Variants in ANKS1B observed in about 807,000 individuals in gnomAD.
ANKS1B encodes ankyrin repeat and sterile alpha motif domain containing 1B.
Under a neutral mutation model 148.3 loss-of-function variants are expected in ANKS1B, and 36 were observed. That is an observed-to-expected ratio of 0.24 (90% CI 0.19 to 0.32). The LOEUF is 0.32. ANKS1B is among the 10% of genes least tolerant of loss of function. ANKS1B has a pLI of 1.00. For missense variants in ANKS1B, 1,157 were observed against 1,542.6 expected, an observed-to-expected ratio of 0.75 and a Z score of 4.19; for synonymous variants, 542 against 560.8, an observed-to-expected ratio of 0.97 and a Z score of 0.47.
rs1014311721 is a variant in ANKS1B at position 99,183,967 on chromosome 12, A to T, written c.2420-29572T>A. Among the ~76,000 whole-genome samples, 5 of 152,230 alleles carry T rather than the reference A, an allele frequency of 3.3e-5. No individual in the cohort carries two copies. In the East Asian group the frequency reaches 7.7e-4, roughly 23 times the overall value. Reference sequence around the variant, plus strand: ...GAAAAATTAATCAAAATGCAGTTTCATATAAATCAAATATACATTTCACTT... The same window carrying T: ...GAAAAATTAATCAAAATGCAGTTTCTTATAAATCAAATATACATTTCACTT... On this transcript the variant is annotated intron_variant, in intron 14 of 26. Transcript: ENST00000683438.
chr12:98,802,291 T>C (rs1002883777), intron 20 of ANKS1B, among the ~76,000 whole-genome samples: 2 of 152,248 alleles, frequency 1.3e-5, no homozygotes, highest in Non-Finnish European at 2.9e-5. Context: ...GTTGACACAC[T>C]GTGGGATTTC....
At chr12:98,873,155 T>C (rs1389716561) in intron 17 of ANKS1B, among the ~76,000 whole-genome samples, 1 of 152,218 alleles carries the variant, frequency 6.6e-6, no homozygotes, top group African/African-American at 2.4e-5. Flanking sequence ...CTACACCCTA[T>C]AAACCCACCT....
chr12:99,359,907 C>A (rs1270036450), intron 12 of ANKS1B, among the ~76,000 whole-genome samples: 1 of 151,972 alleles, frequency 6.6e-6, no homozygotes, highest in African/African-American at 2.4e-5. Context: ...TCTATTCTTT[C>A]CATGGTTTTG....
chr12:99,814,319 G>C (rs2068822307), intron 2 of ANKS1B, among the ~76,000 whole-genome samples: 1 of 151,502 alleles, frequency 6.6e-6, no homozygotes, highest in Non-Finnish European at 1.5e-5. Context: ...ACTGGTAATA[G>C]CATTAAATAA....
At chr12:99,900,630 G>A (rs889928532) in intron 1 of ANKS1B, among the ~76,000 whole-genome samples, 1 of 151,530 alleles carries the variant, frequency 6.6e-6, no homozygotes, top group Non-Finnish European at 1.5e-5. Context: ...CCCTAATCCT[G>A]AGAAGCAAGC....
At chr12:99,481,181 A>C (rs547339726) in intron 10 of ANKS1B, among the ~76,000 whole-genome samples, 1 of 151,418 alleles carries the variant, frequency 6.6e-6, no homozygotes, top group African/African-American at 2.4e-5. Flanking sequence ...ATCCCTAGCT[A>C]CCCTCTCACC....
intron 1 of ANKS1B, among the ~76,000 whole-genome samples, chr12:99,961,566 T>C (rs987803349): frequency 2.0e-5 from 3 of 152,154 alleles, no homozygotes; most frequent in Non-Finnish European, 4.4e-5. Flanking sequence ...CAACATTTCC[T>C]TGATTCTATG....
intron 25 of ANKS1B, among the ~76,000 whole-genome samples, chr12:98,759,269 C>G (rs2056067546): frequency 6.6e-6 from 1 of 152,182 alleles, no homozygotes; most frequent in Admixed American, 6.5e-5. Flanking sequence ...AACATCACCA[C>G]AGATATTTAC....
intron 17 of ANKS1B, among the ~76,000 whole-genome samples, chr12:98,851,897 G>A (rs1483637593): frequency 3.3e-5 from 5 of 151,890 alleles, no homozygotes; most frequent in South Asian, 2.1e-4. Flanking sequence ...GGTGGTGCAC[G>A]CCTGTAGTCC....
At chr12:99,333,865 T>TTTTTTTG (rs1555391412) in intron 12 of ANKS1B, among the ~76,000 whole-genome samples, 2 of 149,858 alleles carry the variant, frequency 1.3e-5, no homozygotes, top group Admixed American at 6.6e-5. Flanking sequence ...TTTTTTTTTT[T>TTTTTTTG]TTTTTTTTTT....
At chr12:99,749,250 T>C (rs1371626254) in intron 8 of ANKS1B, among the ~76,000 whole-genome samples, 1 of 152,086 alleles carries the variant, frequency 6.6e-6, no homozygotes, top group Non-Finnish European at 1.5e-5. Context: ...GCAGTCAAAA[T>C]GTGATCAAAC....
intron 14 of ANKS1B, among the ~76,000 whole-genome samples, chr12:99,238,542 G>A (rs1907673): frequency 1.3e-5 from 2 of 152,058 alleles, no homozygotes; most frequent in Non-Finnish European, 1.5e-5. Flanking sequence ...CTGACAGCTC[G>A]GAAGAAAGCA....
intron 11 of ANKS1B, among the ~76,000 whole-genome samples, chr12:99,419,426 G>A (rs1243718690): frequency 1.3e-5 from 2 of 152,080 alleles, no homozygotes; most frequent in South Asian, 2.1e-4. Flanking sequence ...TCCTTTTGAT[G>A]TCTTCAGGGT....
At chr12:99,570,715 A>C (rs961197423) in intron 9 of ANKS1B, among the ~76,000 whole-genome samples, 10 of 151,798 alleles carry the variant, frequency 6.6e-5, no homozygotes, top group African/African-American at 2.4e-4. Context: ...AAGCTGGGTG[A>C]CTGGTATTAT....
chr12:99,457,493 T>G (rs184205786), intron 10 of ANKS1B, among the ~76,000 whole-genome samples: 5 of 152,176 alleles, frequency 3.3e-5, no homozygotes, highest in Admixed American at 3.3e-4. Flanking sequence ...GTAGAATGGA[T>G]GAGAATTCAC....
intron 19 of ANKS1B, among the ~76,000 whole-genome samples, chr12:98,824,348 C>G (rs984564831): frequency 5.9e-5 from 9 of 152,156 alleles, no homozygotes; most frequent in African/African-American, 2.2e-4. Context: ...AACACTGGAA[C>G]AAAAGATGGT....
rs376915493 is a variant in ANKS1B, at chr12:98,902,606, G to A, written c.2779-70470C>T. Among the ~76,000 whole-genome samples the A allele has an allele frequency of 9.9e-5, 15 of 152,266 alleles. No individual in the cohort carries two copies. In the South Asian group the frequency reaches 1.2e-3, roughly 13 times the overall value. On this transcript the variant is annotated intron_variant, in intron 17 of 26. Transcript: ENST00000683438. ...GAAAAAAAGTCCATGGACTCCGACC[G>A]TGGTTCAAGTTCAGCTCTATCATAT...
chr12:99,756,392 T>G (rs1367097561), intron 8 of ANKS1B, among the ~76,000 whole-genome samples: 1 of 151,922 alleles, frequency 6.6e-6, no homozygotes, highest in Non-Finnish European at 1.5e-5. Context: ...GGTAAAAGAT[T>G]TCTACAAGAA....
chr12:99,899,709 G>C (rs904264190), intron 1 of ANKS1B, among the ~76,000 whole-genome samples: 17 of 152,060 alleles, frequency 1.1e-4, no homozygotes, highest in Non-Finnish European at 2.2e-4. Context: ...ATACAAAGCA[G>C]CTAAACTAGC....
Sources: gnomAD v4.1 joint callset for allele counts (sites outside exome capture counted in the v4.1 genomes callset) on GRCh38, gnomAD v4.1.1 for gene constraint, MANE v1.5 for transcripts, NCBI Gene and HGNC (gene_info 2026-07-23, HGNC 2026-07-21) for gene names.